The following ANKFY1 variants were observed in gnomAD, a reference collection of about 807,000 sequenced individuals.
The protein encoded by ANKFY1 is ankyrin repeat and FYVE domain-containing protein 1.
A neutral mutation model predicts 128.3 loss-of-function variants in ANKFY1; 47 were observed. The observed-to-expected ratio is 0.37, with a 90% CI of 0.29 to 0.47. The LOEUF is 0.47. ANKFY1 is among the 20% of genes least tolerant of loss of function. The probability of loss-of-function intolerance (pLI) is 1.00; values close to 1 mark genes in which losing one functional copy is unlikely to be tolerated. For missense variants in ANKFY1, 1,222 were observed against 1,510.6 expected, an observed-to-expected ratio of 0.81 and a Z score of 3.17; for synonymous variants, 553 against 601.6, an observed-to-expected ratio of 0.92 and a Z score of 1.18.
At chr17:4,204,431 T>C (rs1031022373) in intron 7 of ANKFY1, among the ~76,000 whole-genome samples, 7 of 152,348 alleles carry the variant, frequency 4.6e-5, no homozygotes, top group African/African-American at 1.7e-4. Context: ...ACCAGCTTCA[T>C]AAAGCCAGTG....
chr17:4,196,467 C>T (rs902418281), intron 8 of ANKFY1, among the ~76,000 whole-genome samples: 1 of 152,146 alleles, frequency 6.6e-6, no homozygotes, highest in Admixed American at 6.5e-5. Context: ...ATTCAGGTGA[C>T]TTAACTATCC....
At chr17:4,171,001 G>GC in intron 22 of ANKFY1, 140 bp from the exon 23 acceptor site, 3 of 1,181,100 alleles carry the variant, frequency 2.5e-6, no homozygotes, top group Non-Finnish European at 3.6e-6. Flanking sequence ...ACATACGGGG[G>GC]CCCCGAGGCT....
intron 1 of ANKFY1, 48 bp downstream of exon 1, chr17:4,263,884 C>T: frequency 3.7e-6 from 6 of 1,613,464 alleles, no homozygotes; most frequent in Non-Finnish European, 5.1e-6. Context: ...GCCAGCAGCG[C>T]CCCCACAGCT....
chr17:4,208,746 A>AAAC (rs143082882), intron 5 of ANKFY1, among the ~76,000 whole-genome samples: 9,070 of 152,188 alleles, frequency 0.06, 602 homozygotes, highest in African/African-American at 0.17. Flanking sequence ...CTAAAACTGC[A>AAAC]AACAACAACA....
intron 2 of ANKFY1, among the ~76,000 whole-genome samples, chr17:4,240,995 A>T (rs1168065526): frequency 6.6e-6 from 1 of 152,170 alleles, no homozygotes; most frequent in Admixed American, 6.5e-5. Context: ...TCTACCTCAA[A>T]ACTCACTTAA....
At chr17:4,234,882 A>G (rs939952775) in intron 3 of ANKFY1, among the ~76,000 whole-genome samples, 2 of 152,210 alleles carry the variant, frequency 1.3e-5, no homozygotes, top group Non-Finnish European at 2.9e-5. Context: ...TGGGATACAT[A>G]TATAGTAAAA....
At chr17:4,209,593 G>A (rs989621665) in intron 5 of ANKFY1, among the ~76,000 whole-genome samples, 1 of 152,176 alleles carries the variant, frequency 6.6e-6, no homozygotes, top group African/African-American at 2.4e-5. Context: ...GAGCCACCGC[G>A]CCTGGCCAGA....
intron 11 of ANKFY1, 124 bp downstream of exon 11, chr17:4,189,258 A>T: frequency 1.4e-6 from 1 of 697,268 alleles, no homozygotes; most frequent in Non-Finnish European, 2.4e-6. Flanking sequence ...TTTTAACCAT[A>T]TGCATGTATT....
intron 1 of ANKFY1, among the ~76,000 whole-genome samples, chr17:4,261,670 C>T (rs991647520): frequency 6.6e-6 from 1 of 152,242 alleles, no homozygotes; most frequent in Non-Finnish European, 1.5e-5. Flanking sequence ...CCTGTATGAG[C>T]TCCTCAGGGC....
At chr17:4,183,292 TCTAA>T (rs1302511789) in intron 14 of ANKFY1, 102 bp downstream of exon 14, 3 of 1,377,830 alleles carry the variant, frequency 2.2e-6, no homozygotes, top group Admixed American at 1.9e-5. Context: ...TTTCCTTTCC[TCTAA>T]CTAATATGAA....
intron 1 of ANKFY1, among the ~76,000 whole-genome samples, chr17:4,256,874 C>A (rs1238318787): frequency 2.6e-5 from 4 of 152,112 alleles, no homozygotes; most frequent in South Asian, 2.1e-4. Flanking sequence ...GCATGACTTA[C>A]ACATCTTTCA....
chr17:4,183,876 G>T lies in ANKFY1; in HGVS notation c.1734C>A (p.Ile578=). Reference sequence around the variant, plus strand: ...AATCTTTGAGGCTGAAGTCCGGAATGATCTGCAAGTTGTTGGTGGCATGAA... The same window carrying T: ...AATCTTTGAGGCTGAAGTCCGGAATTATCTGCAAGTTGTTGGTGGCATGAA... The part of the protein sequence containing the change: ...NALHATNNLQ[I]IPDFSLKDSR... Residue 578 remains isoleucine (I), a synonymous_variant, in exon 13 of 25, where the codon ATC becomes ATA. Transcript: ENST00000341657. 6.2e-7 allele frequency: 1 copy of T among 1,613,944 alleles called. No homozygotes were observed. Among genetic ancestry groups the T allele is most frequent in the South Asian group, 1.1e-5 (1 of 91,080 alleles).
At chr17:4,184,668 T>C in intron 12 of ANKFY1, 150 bp downstream of exon 12, 2 of 813,188 alleles carry the variant, frequency 2.5e-6, no homozygotes, top group Non-Finnish European at 4.1e-6. Flanking sequence ...CCAGACTACA[T>C]GCTTCTCTAG....
chr17:4,167,745 C>CCTTG lies in ANKFY1; in HGVS notation c.*33_*34insCAAG. On this transcript the variant is annotated 3_prime_UTR_variant, in exon 25 of 25. Transcript: ENST00000341657. This position sits in a 1 kb window ranked among gnomAD's most constrained non-coding sequence, Gnocchi z 4.1. ...AGCAGAGCAGCTGCTGGGGAGGTGA[C>CCTTG]CAAGGACGTGGCCTGGACCCTCCGG... is the stretch of plus-strand genomic sequence containing the variant. 6.3e-7 allele frequency: 1 copy of CCTTG among 1,582,294 alleles called. No individual in the cohort carries two copies. Among genetic ancestry groups the CCTTG allele is most frequent in the Non-Finnish European group, 8.6e-7 (1 of 1,161,254 alleles).
chr17:4,239,200 T>A (rs1374427468), intron 2 of ANKFY1, among the ~76,000 whole-genome samples: 1 of 152,176 alleles, frequency 6.6e-6, no homozygotes, highest in African/African-American at 2.4e-5. Flanking sequence ...GAATGCAAAA[T>A]AAAATTACTA....
intron 6 of ANKFY1, among the ~76,000 whole-genome samples, chr17:4,207,527 T>C (rs1235091609): frequency 6.6e-6 from 1 of 152,162 alleles, no homozygotes; most frequent in Non-Finnish European, 1.5e-5. Context: ...CCTGCCGACA[T>C]CCTGATTTTG....
intron 19 of ANKFY1, among the ~76,000 whole-genome samples, chr17:4,176,315 C>T (rs1296661119): frequency 1.3e-5 from 2 of 152,228 alleles, no homozygotes; most frequent in Non-Finnish European, 2.9e-5. Context: ...GCCTTAGCGG[C>T]CAGTTCTGCG....
At chr17:4,254,964 G>A (rs770662065) in intron 1 of ANKFY1, among the ~76,000 whole-genome samples, 4 of 152,050 alleles carry the variant, frequency 2.6e-5, no homozygotes, top group Non-Finnish European at 4.4e-5. Flanking sequence ...AAGATTTGTG[G>A]TCTTAAGCCA....
intron 3 of ANKFY1, among the ~76,000 whole-genome samples, chr17:4,221,088 G>A (rs2060303489): frequency 6.6e-6 from 1 of 152,102 alleles, no homozygotes; most frequent in Non-Finnish European, 1.5e-5. Context: ...TTTTCTATGT[G>A]GCCTAGTTTT....
Sources: gnomAD v4.1 joint callset for allele counts (sites outside exome capture counted in the v4.1 genomes callset) on GRCh38, gnomAD v4.1.1 for gene constraint, Gnocchi (gnomAD v3.1) non-coding constraint, MANE v1.5 for transcripts, NCBI Gene and HGNC (gene_info 2026-07-23, HGNC 2026-07-21) for gene names.